The following ABCA13 variants were observed in gnomAD, a reference collection of about 807,000 sequenced individuals.
ABCA13 encodes ATP binding cassette subfamily A member 13, also known as ATP-binding cassette sub-family A member 13.
Under a neutral mutation model 478.7 loss-of-function variants are expected in ABCA13, and 476 were observed. That is an observed-to-expected ratio of 0.99 (90% CI 0.92 to 1.07). ABCA13 has a LOEUF of 1.07. ABCA13 is among the 50% of genes least tolerant of loss of function. The probability of loss-of-function intolerance (pLI) is 0.00; values close to 1 mark genes in which losing one functional copy is unlikely to be tolerated. For missense variants in ABCA13, 6,060 were observed against 5,910.6 expected (o/e 1.03, Z -0.83); for synonymous variants, 2,252 against 2,158.9 (o/e 1.04, Z -1.20).
intron 48 of ABCA13, among the ~76,000 whole-genome samples, chr7:48,496,117 T>G (rs1830254268): frequency 1.3e-5 from 2 of 152,132 alleles, no homozygotes; most frequent in Non-Finnish European, 2.9e-5. Flanking sequence ...CTAATATATT[T>G]GGGTGTAAGT....
intron 20 of ABCA13, among the ~76,000 whole-genome samples, chr7:48,293,166 G>A (rs1008477562): frequency 1.4e-5 from 2 of 141,274 alleles, no homozygotes; most frequent in Non-Finnish European, 3.0e-5. Context: ...ATGGATTAAC[G>A]TTCATCATTT....
chr7:48,530,815 G>A (rs1462478885), intron 55 of ABCA13, among the ~76,000 whole-genome samples: 1 of 151,992 alleles, frequency 6.6e-6, no homozygotes, highest in Non-Finnish European at 1.5e-5. Flanking sequence ...CATGTCCTTA[G>A]CCCACTTTGT....
chr7:48,172,484 A>T (rs571729358), intron 1 of ABCA13, among the ~76,000 whole-genome samples: 13 of 152,316 alleles, frequency 8.5e-5, no homozygotes, highest in African/African-American at 3.1e-4. Context: ...AAATAATTTC[A>T]GTTGAAAGTT....
intron 41 of ABCA13, among the ~76,000 whole-genome samples, chr7:48,423,042 T>C (rs926418880): frequency 1.3e-5 from 2 of 152,218 alleles, no homozygotes; most frequent in African/African-American, 4.8e-5. Context: ...ATACATTGTC[T>C]TAAGCCACCA....
intron 48 of ABCA13, among the ~76,000 whole-genome samples, chr7:48,495,968 T>C (rs1830238818): frequency 6.6e-6 from 1 of 152,268 alleles, no homozygotes; most frequent in South Asian, 2.1e-4. Context: ...ATCTTTCCCG[T>C]TATTTTATTT....
chr7:48,491,183 T>G (rs1829807939), intron 48 of ABCA13, among the ~76,000 whole-genome samples: 1 of 152,156 alleles, frequency 6.6e-6, no homozygotes, highest in South Asian at 2.1e-4. Flanking sequence ...TTCACATACA[T>G]AGATGAAAAT....
intron 15 of ABCA13, among the ~76,000 whole-genome samples, chr7:48,251,859 A>G (rs932771750): frequency 1.3e-5 from 2 of 152,066 alleles, no homozygotes; most frequent in Non-Finnish European, 2.9e-5. Flanking sequence ...ATGTCATTCA[A>G]CTGCCTTCTG....
At chr7:48,571,467 G>T (rs748309220) in intron 55 of ABCA13, among the ~76,000 whole-genome samples, 20 of 151,050 alleles carry the variant, frequency 1.3e-4, no homozygotes, top group Non-Finnish European at 2.1e-4. Flanking sequence ...CTTCTTTACT[G>T]TAGAATTCTA....
intron 59 of ABCA13, among the ~76,000 whole-genome samples, chr7:48,634,499 T>A (rs1331327622): frequency 6.6e-6 from 1 of 152,196 alleles, no homozygotes; most frequent in African/African-American, 2.4e-5. Context: ...TCTCTTTTTT[T>A]CTTGGTCAAT....
intron 28 of ABCA13, among the ~76,000 whole-genome samples, chr7:48,338,006 C>A (rs1366266562): frequency 5.9e-5 from 9 of 152,170 alleles, no homozygotes; most frequent in Non-Finnish European, 1.3e-4. Context: ...CCTCTGTTTA[C>A]AACTGGCCTC....
chr7:48,278,919 T>C lies in ABCA13; in HGVS notation c.7725T>C (p.Thr2575=). Residue 2575 remains threonine, a synonymous_variant, in exon 18 of 62, where the codon ACT becomes ACC. Coordinates refer to ENST00000435803, the MANE Select transcript of ABCA13 (RefSeq NM_152701.5). ...AAAATCTTGTGAAAGAAATAGCTAC[T>C]TTAAAAAAAATAGATCATTTCACAT... ...SVQNLVKEIA[T]LKKIDHFTFE... The C allele has an allele frequency of 1.2e-6, 2 of 1,613,206 alleles. No homozygotes were observed. The highest frequency in any genetic ancestry group is 2.7e-5 in the African/African-American group (2 of 75,040).
At chr7:48,321,987 A>T (rs538559398) in intron 27 of ABCA13, among the ~76,000 whole-genome samples, 1 of 152,340 alleles carries the variant, frequency 6.6e-6, no homozygotes, top group Middle Eastern at 3.4e-3. Flanking sequence ...AATCACTCAG[A>T]GGAAGCTGTT....
intron 27 of ABCA13, among the ~76,000 whole-genome samples, chr7:48,322,510 C>T (rs971022923): frequency 2.0e-4 from 31 of 152,268 alleles, no homozygotes; most frequent in South Asian, 2.1e-4. Flanking sequence ...AGGCCACCAG[C>T]GGTGATCCAG....
At chr7:48,179,428 ACTGCCTG>A (rs1045747607) in intron 1 of ABCA13, among the ~76,000 whole-genome samples, 10 of 152,010 alleles carry the variant, frequency 6.6e-5, no homozygotes, top group Non-Finnish European at 1.5e-4. Flanking sequence ...TTCCTCCCCC[ACTGCCTG>A]CTGTCAGCTA....
At chr7:48,442,364 G>C (rs1177541334) in intron 42 of ABCA13, among the ~76,000 whole-genome samples, 1 of 152,122 alleles carries the variant, frequency 6.6e-6, no homozygotes, top group Non-Finnish European at 1.5e-5. Flanking sequence ...GATGTTATCT[G>C]ATTTGCCCAA....
At chr7:48,562,122 C>A (rs1786530146) in intron 55 of ABCA13, among the ~76,000 whole-genome samples, 1 of 150,742 alleles carries the variant, frequency 6.6e-6, no homozygotes, top group Admixed American at 6.6e-5. Flanking sequence ...GAGGTGGATA[C>A]AAAGTTTGCC....
chr7:48,366,587 A>G (rs1811705576), intron 31 of ABCA13, among the ~76,000 whole-genome samples: 1 of 152,114 alleles, frequency 6.6e-6, no homozygotes, highest in Non-Finnish European at 1.5e-5. Flanking sequence ...TGAGGGTGTC[A>G]TGCCACTTCA....
At chr7:48,386,665 G>A (rs1815239286) in intron 35 of ABCA13, among the ~76,000 whole-genome samples, 1 of 152,144 alleles carries the variant, frequency 6.6e-6, no homozygotes, top group Non-Finnish European at 1.5e-5. Context: ...ATGGTATGGG[G>A]ATAACTGGCT....
Position 48,420,322 on chromosome 7 carries a change from C to CTT in ABCA13, c.12460-7442_12460-7441dup, listed in dbSNP as rs559761740. On this transcript the variant is annotated intron_variant, in intron 41 of 61. Transcript: ENST00000435803. ...CACCAGTTTCATTAAGGCATCTGTA[C>CTT]TTTCTACTCCAATGCTTGGACCTAA... 1.1e-3 allele frequency among the ~76,000 whole-genome samples: 171 copies of CTT among 152,302 alleles called. 2 individuals are homozygous for CTT. Among genetic ancestry groups the CTT allele is most frequent in the African/African-American group, 4.0e-3 (165 of 41,570 alleles).
Sources: gnomAD v4.1 joint callset for allele counts (sites outside exome capture counted in the v4.1 genomes callset) on GRCh38, gnomAD v4.1.1 for gene constraint, MANE v1.5 for transcripts, NCBI Gene and HGNC (gene_info 2026-07-23, HGNC 2026-07-21) for gene names.